Variants in STRN observed in about 807,000 individuals in gnomAD.
The protein encoded by STRN is striatin, also known as protein phosphatase 2 regulatory subunit B'''alpha.
Under a neutral mutation model 96.3 loss-of-function variants are expected in STRN, and 53 were observed. That is an observed-to-expected ratio of 0.55 (90% CI 0.44 to 0.69). The LOEUF is 0.69. Among genes scored for constraint, STRN ranks in the 30% least tolerant of loss-of-function variants. STRN has a pLI of 0.00. For missense variants in STRN, 987 were observed against 963.9 expected (o/e 1.02, Z -0.32); for synonymous variants, 428 against 355.9 (o/e 1.20, Z -2.28).
intron 2 of STRN, among the ~76,000 whole-genome samples, chr2:36,916,732 C>T (rs2148219583): frequency 6.6e-6 from 1 of 152,118 alleles, no homozygotes; most frequent in Admixed American, 6.5e-5. Context: ...GTCAAGATAT[C>T]CCTTGTCTTT....
In STRN at chr2:36,872,779, C is replaced by G. The variant is rs116466327; in HGVS notation, c.1324-3050G>C. On this transcript the variant is annotated intron_variant, in intron 10 of 17. Transcript: ENST00000263918. Reference sequence around the variant, plus strand: ...GAACAAAAGTATCTAATGGGAACTTCTGCTTCTAGCCATGGCAAATCAGGA... The same window carrying G: ...GAACAAAAGTATCTAATGGGAACTTGTGCTTCTAGCCATGGCAAATCAGGA... 4.4e-3 allele frequency among the ~76,000 whole-genome samples: 675 copies of G among 152,292 alleles called. 7 individuals are homozygous for G. The highest frequency in any genetic ancestry group is 0.013 in the African/African-American group (559 of 41,544).
At position 36,885,272 on chromosome 2, in the gene STRN, T is replaced by A. The variant is rs1033270555; in HGVS notation, c.1043-1197A>T. ...CCTGGTTACCTTTCCAACTAAAGGA[T>A]CTTTTGTATTTCAAGACATTCATTT... On this transcript the variant is annotated intron_variant, in intron 8 of 17. Transcript: ENST00000263918. 3.9e-5 allele frequency among the ~76,000 whole-genome samples: 6 copies of A among 152,146 alleles called. No individual in the cohort carries two copies. In the East Asian group the frequency reaches 1.2e-3, roughly 29 times the overall value.
intron 2 of STRN, among the ~76,000 whole-genome samples, chr2:36,917,928 A>C (rs1670152787): frequency 1.3e-5 from 2 of 152,204 alleles, no homozygotes; most frequent in African/African-American, 4.8e-5. Flanking sequence ...TAAAAGATAC[A>C]TATCTATTTC....
At chr2:36,909,941 G>C (rs1336171170) in intron 3 of STRN, among the ~76,000 whole-genome samples, 7 of 152,150 alleles carry the variant, frequency 4.6e-5, no homozygotes. Flanking sequence ...GGGAGGCCAA[G>C]GTGGGCAGAT....
intron 10 of STRN, among the ~76,000 whole-genome samples, chr2:36,873,702 T>C (rs1668824177): frequency 6.6e-6 from 1 of 152,112 alleles, no homozygotes; most frequent in Non-Finnish European, 1.5e-5. Context: ...CCCAGCACTT[T>C]GGGAGGCTGA....
At chr2:36,945,651 C>A (rs1670962136) in intron 1 of STRN, among the ~76,000 whole-genome samples, 2 of 151,396 alleles carry the variant, frequency 1.3e-5, no homozygotes, top group Middle Eastern at 3.4e-3. Flanking sequence ...GGCGACAGTG[C>A]AAGACTGTCT....
intron 3 of STRN, among the ~76,000 whole-genome samples, chr2:36,906,580 T>C (rs1669826974): frequency 6.6e-6 from 1 of 152,070 alleles, no homozygotes; most frequent in South Asian, 2.1e-4. Flanking sequence ...AAAGAGCAGA[T>C]ATATAACAAC....
At chr2:36,895,403 T>G (rs1191370883) in intron 6 of STRN, among the ~76,000 whole-genome samples, 1 of 152,014 alleles carries the variant, frequency 6.6e-6, no homozygotes, top group Non-Finnish European at 1.5e-5. Context: ...TTTAACTATT[T>G]GGGATATTTT....
At chr2:36,946,683 C>A (rs2148261532) in intron 1 of STRN, among the ~76,000 whole-genome samples, 1 of 152,250 alleles carries the variant, frequency 6.6e-6, no homozygotes, top group Non-Finnish European at 1.5e-5. Context: ...TCATATGTCT[C>A]TGTATATCCT....
chr2:36,869,697 T>C lies in STRN; in HGVS notation c.1356A>G (p.Thr452=), dbSNP rs1171948787. ...TTCTCAATGTAAACTTAGGGTTCCA[T>C]GTCTTCCTCAATGCATCTTTATTGT... ...IANNKDALRK[T]WNPKFTLRSH... The change falls in exon 11 of 18, where the codon ACA becomes ACG. Residue 452 remains threonine, a synonymous_variant. Coordinates refer to ENST00000263918, the MANE Select transcript of STRN (RefSeq NM_003162.4). The C allele has an allele frequency of 3.7e-6, 6 of 1,608,436 alleles. No homozygotes were observed. The African/African-American group carries it at 6.7e-5, about 18-fold the overall frequency.
chr2:36,966,280 G>T lies in STRN; in HGVS notation c.184C>A (p.Arg62Ser), dbSNP rs1435677287. 16 of 1,585,074 alleles carry T rather than the reference G, an allele frequency of 1.0e-5. No homozygotes were observed. The highest frequency in any genetic ancestry group is 1.4e-5 in the Non-Finnish European group (16 of 1,168,036). Reference sequence around the variant, plus strand: ...CACTGGGCTCTCTCCACCTCGAAGCGGGCCCACTCGTGCTGCAGGAAGTGC... The same window carrying T: ...CACTGGGCTCTCTCCACCTCGAAGCTGGCCCACTCGTGCTGCAGGAAGTGC... The part of the protein sequence containing the change: ...ILHFLQHEWA[R>S]FEVERAQWEV... The change falls in exon 1 of 18, where the codon CGC (arginine) becomes AGC (serine). Residue 62 changes from arginine to serine, a missense_variant. By Grantham distance (110) the Arg-to-Ser change is moderately radical. Coordinates refer to ENST00000263918, the MANE Select transcript of STRN (RefSeq NM_003162.4).
chr2:36,897,408 ATATT>A (rs1669569224), intron 6 of STRN, among the ~76,000 whole-genome samples: 1 of 150,934 alleles, frequency 6.6e-6, no homozygotes, highest in Non-Finnish European at 1.5e-5. Context: ...TTGCTTAGAA[ATATT>A]TTTTTCCAAA....
intron 9 of STRN, among the ~76,000 whole-genome samples, chr2:36,878,608 A>T (rs1294416208): frequency 6.6e-6 from 1 of 152,174 alleles, no homozygotes; most frequent in East Asian, 1.9e-4. Context: ...GTAATGTTCT[A>T]CTTGTTGACC....
intron 1 of STRN, among the ~76,000 whole-genome samples, chr2:36,955,170 A>G (rs3821145): frequency 6.6e-6 from 1 of 152,250 alleles, no homozygotes; most frequent in African/African-American, 2.4e-5. Context: ...GACCAAAAAA[A>G]GGAGAGGATA....
At chr2:36,930,568 C>T (rs1436869374) in intron 1 of STRN, among the ~76,000 whole-genome samples, 1 of 151,998 alleles carries the variant, frequency 6.6e-6, no homozygotes, top group Non-Finnish European at 1.5e-5. Context: ...GAGTGGGGCC[C>T]AAGAATTTGC....
intron 14 of STRN, among the ~76,000 whole-genome samples, chr2:36,857,637 G>A (rs1012917444): frequency 6.6e-6 from 1 of 151,940 alleles, no homozygotes; most frequent in African/African-American, 2.4e-5. Context: ...TCCAGCCTGG[G>A]CAACAGAGTG....
intron 1 of STRN, among the ~76,000 whole-genome samples, chr2:36,965,136 CAT>C (rs957554353): frequency 1.3e-5 from 2 of 152,150 alleles, no homozygotes; most frequent in Non-Finnish European, 2.9e-5. Context: ...GCGCCAAATA[CAT>C]GTTACCAAAA....
intron 2 of STRN, among the ~76,000 whole-genome samples, chr2:36,923,616 A>G (rs1217300975): frequency 6.6e-6 from 1 of 152,214 alleles, no homozygotes; most frequent in Non-Finnish European, 1.5e-5. Flanking sequence ...CACCATTTAA[A>G]GATTCTACAT....
At chr2:36,854,071 C>G (rs1294966609) in intron 15 of STRN, among the ~76,000 whole-genome samples, 1 of 148,332 alleles carries the variant, frequency 6.7e-6, no homozygotes, top group Non-Finnish European at 1.5e-5. Context: ...ATCTTATCTA[C>G]CAGACTTGAC....
Sources: gnomAD v4.1 joint callset for allele counts (sites outside exome capture counted in the v4.1 genomes callset) on GRCh38, gnomAD v4.1.1 for gene constraint, MANE v1.5 for transcripts, NCBI Gene and HGNC (gene_info 2026-07-23, HGNC 2026-07-21) for gene names.